The following KIAA0753 variants were observed in gnomAD, a reference collection of about 807,000 sequenced individuals.
KIAA0753 encodes the protein protein moonraker.
Under a neutral mutation model 116.9 loss-of-function variants are expected in KIAA0753, and 114 were observed. The observed-to-expected ratio is 0.98, with a 90% CI of 0.84 to 1.14. The LOEUF (loss-of-function observed/expected upper bound fraction) is 1.14, where lower values mean the gene tolerates loss of function less well. Ranked by LOEUF, KIAA0753 falls within the 50% of genes most tolerant of loss-of-function variation. KIAA0753 has a pLI of 0.00. For synonymous variants in KIAA0753, 405 were observed against 413.1 expected (o/e 0.98, Z 0.24); for missense variants, 1,156 against 1,172.4 (o/e 0.99, Z 0.20).
chr17:6,634,778 T>G, intron 2 of KIAA0753: 1 of 455,454 alleles, frequency 2.2e-6, no homozygotes. Flanking sequence ...GGAGAGTTCA[T>G]TTTTAGGAGA....
Position 6,623,589 on chromosome 17 carries a change from A to G in KIAA0753, c.826-18T>C, listed in dbSNP as rs1971467815. 1 of 1,603,736 alleles carries G rather than the reference A, an allele frequency of 6.2e-7. No individual in the cohort carries two copies. The highest frequency in any genetic ancestry group is 1.7e-5 in the Admixed American group (1 of 58,230). Reference sequence around the variant, plus strand: ...TCTTTTACCTGTTTTGTAAAGGGGAAAAAAGAAAACTTCATACCTTTCCAT... The same window carrying G: ...TCTTTTACCTGTTTTGTAAAGGGGAGAAAAGAAAACTTCATACCTTTCCAT... On this transcript the variant is annotated intron_variant, in intron 4 of 18. Transcript: ENST00000361413.
At position 6,596,270 on chromosome 17, in the gene KIAA0753, A is replaced by T; in HGVS notation, c.2246T>A (p.Leu749His). ...DDFLEDCASE[L>H]WAVTHAKILG... ...GATCTTAGCATGAGTCACAGCCCAGAGCTCACTGGCACAATCTTCCAAAAA... is the reference window on the plus strand; with the variant it reads ...GATCTTAGCATGAGTCACAGCCCAGTGCTCACTGGCACAATCTTCCAAAAA... The change falls in exon 15 of 19, where the codon CTC becomes CAC. Residue 749 changes from leucine to histidine, a missense_variant. Transcript: ENST00000361413. 1 of 1,613,666 alleles carries T rather than the reference A, an allele frequency of 6.2e-7. No individual in the cohort carries two copies. The highest frequency in any genetic ancestry group is 8.5e-7 in the Non-Finnish European group (1 of 1,179,788).
chr17:6,617,841 G>A (rs182626748), intron 7 of KIAA0753, among the ~76,000 whole-genome samples: 10 of 152,320 alleles, frequency 6.6e-5, no homozygotes, highest in Admixed American at 4.6e-4. Flanking sequence ...AGTGGCTCAC[G>A]CCTGTAATCC....
At chr17:6,631,353 G>A (rs1176945677) in intron 2 of KIAA0753, among the ~76,000 whole-genome samples, 5 of 152,210 alleles carry the variant, frequency 3.3e-5, no homozygotes, top group Admixed American at 6.5e-5. Flanking sequence ...GCTTCTTCTT[G>A]AGCAGAGACA....
intron 14 of KIAA0753, 77 bp downstream of exon 14, chr17:6,599,160 T>C: frequency 4.0e-6 from 4 of 1,002,424 alleles, no homozygotes; most frequent in Non-Finnish European, 6.3e-6. Flanking sequence ...TGCAAAGTAA[T>C]CTGTATTTCA....
chr17:6,636,257 A>T (rs1972313523), intron 1 of KIAA0753: 1 of 152,220 alleles, frequency 6.6e-6, no homozygotes, highest in Non-Finnish European at 1.5e-5. Context: ...TGTAGCACAC[A>T]TGAAAAAAGC....
intron 7 of KIAA0753, among the ~76,000 whole-genome samples, chr17:6,617,570 C>T (rs923327297): frequency 7.9e-5 from 12 of 152,268 alleles, no homozygotes; most frequent in African/African-American, 2.9e-4. Context: ...GGTCTTTAAC[C>T]CCAGTTCCTG....
chr17:6,590,995 AGAAG>A, intron 16 of KIAA0753, among the ~76,000 whole-genome samples: 11 of 92,540 alleles, frequency 1.2e-4, no homozygotes, highest in African/African-American at 4.4e-4. Context: ...AGAAGAAAGA[AGAAG>A]GAAGAAGAAG....
intron 5 of KIAA0753, among the ~76,000 whole-genome samples, 166 bp downstream of exon 5, chr17:6,623,343 T>C (rs1971453011): frequency 6.6e-6 from 1 of 152,218 alleles, no homozygotes; most frequent in South Asian, 2.1e-4. Flanking sequence ...ACCTGTTCCT[T>C]AGAAGGCAAC....
At chr17:6,622,215 T>C (rs1237088423) in intron 6 of KIAA0753, among the ~76,000 whole-genome samples, 2 of 152,220 alleles carry the variant, frequency 1.3e-5, no homozygotes, top group South Asian at 4.1e-4. Context: ...GAAAAATAAC[T>C]GTCATCTCTC....
At chr17:6,636,387 A>G (rs1391706244) in intron 1 of KIAA0753, 3 of 152,236 alleles carry the variant, frequency 2.0e-5, no homozygotes, top group East Asian at 1.9e-4. Context: ...CCACTTTTAA[A>G]TGGTCAGTAC....
chr17:6,601,899 T>C (rs1184778164), intron 12 of KIAA0753, among the ~76,000 whole-genome samples: 5 of 152,178 alleles, frequency 3.3e-5, no homozygotes. Flanking sequence ...AAATATCTGC[T>C]GCACACATAT....
At chr17:6,627,049 T>C (rs748875777) in intron 3 of KIAA0753, among the ~76,000 whole-genome samples, 2 of 152,232 alleles carry the variant, frequency 1.3e-5, no homozygotes, top group Admixed American at 6.5e-5. Flanking sequence ...CATGATATTA[T>C]ACAACACACT....
intron 7 of KIAA0753, among the ~76,000 whole-genome samples, chr17:6,612,621 A>G (rs1970629129): frequency 1.3e-5 from 2 of 152,178 alleles, no homozygotes; most frequent in African/African-American, 4.8e-5. Context: ...AAATCCCAGC[A>G]CTTTGGAAGG....
At chr17:6,590,432 GA>G (rs1968909287) in intron 17 of KIAA0753, 77 bp downstream of exon 17, 5 of 1,542,468 alleles carry the variant, frequency 3.2e-6, no homozygotes, top group Non-Finnish European at 4.5e-6. Flanking sequence ...TGTCTTATGG[GA>G]ACTGAAAGAA....
intron 2 of KIAA0753, among the ~76,000 whole-genome samples, chr17:6,632,574 A>G (rs1313711309): frequency 1.3e-5 from 2 of 152,224 alleles, no homozygotes; most frequent in Admixed American, 6.5e-5. Context: ...GAGGTGTTAA[A>G]AAGACATTAA....
chr17:6,611,730 T>C (rs1970558952), intron 8 of KIAA0753, among the ~76,000 whole-genome samples, 189 bp downstream of exon 8: 2 of 152,174 alleles, frequency 1.3e-5, no homozygotes, highest in Admixed American at 1.3e-4. Context: ...ATAGAAAGAA[T>C]TCTCTATTCT....
chr17:6,600,253 TG>T, intron 13 of KIAA0753, 126 bp downstream of exon 13: 1 of 712,272 alleles, frequency 1.4e-6, no homozygotes, highest in Non-Finnish European at 2.5e-6. Context: ...TGTGGTGGTC[TG>T]GGGGTATCTT....
In KIAA0753 at chr17:6,628,665, A is replaced by C; in HGVS notation, c.170T>G (p.Ile57Ser). ...TGAGTGCTTCAGTTTTTCAATTCTA[A>C]TGGCATGTGGGCAAGAATATCGGAT... Reference protein sequence around the residue: ...LAIRYSCPHAIRIEKLKHSYN... With the variant: ...LAIRYSCPHASRIEKLKHSYN... The change falls in exon 3 of 19, where the codon ATT (isoleucine) becomes AGT (serine). Residue 57 changes from isoleucine to serine, a missense_variant. Physicochemically the swap from Ile to Ser is moderately radical, Grantham distance 142 (BLOSUM62 -2). Transcript: ENST00000361413. The C allele has an allele frequency of 6.2e-7, 1 of 1,614,130 alleles. No homozygotes were observed. The highest frequency in any genetic ancestry group is 8.5e-7 in the Non-Finnish European group (1 of 1,180,004).
Sources: allele counts gnomAD v4.1 joint callset (sites outside exome capture counted in the v4.1 genomes callset), GRCh38; gene constraint gnomAD v4.1.1; transcripts MANE v1.5; gene names NCBI Gene and HGNC (gene_info 2026-07-23, HGNC 2026-07-21).